Variants in MACROD2 observed in about 807,000 individuals in gnomAD.
The protein encoded by MACROD2 is ADP-ribose glycohydrolase MACROD2.
Under a neutral mutation model 70.4 loss-of-function variants are expected in MACROD2, and 36 were observed. That is an observed-to-expected ratio of 0.51 (90% CI 0.39 to 0.68). The LOEUF (loss-of-function observed/expected upper bound fraction) is 0.68, where lower values mean the gene tolerates loss of function less well. Ranked by LOEUF, MACROD2 falls within the 30% of genes least tolerant of loss-of-function variation. The pLI, the probability that MACROD2 is intolerant of heterozygous loss-of-function variation, is 0.00. For missense variants in MACROD2, 496 were observed against 538.4 expected (o/e 0.92, Z 0.78); for synonymous variants, 172 against 178.8 (o/e 0.96, Z 0.30).
At chr20:15,242,525 G>A (rs2077068495) in intron 6 of MACROD2, among the ~76,000 whole-genome samples, 1 of 151,904 alleles carries the variant, frequency 6.6e-6, no homozygotes, top group African/African-American at 2.4e-5. Context: ...TTTGTTTTTG[G>A]TGTTATAGAA....
chr20:15,043,699 C>T (rs1401387734), intron 5 of MACROD2, among the ~76,000 whole-genome samples: 1 of 152,150 alleles, frequency 6.6e-6, no homozygotes, highest in Non-Finnish European at 1.5e-5. Context: ...TTTGTCTGTA[C>T]CCCTGATTAT....
chr20:14,350,070 T>C (rs1342228031), intron 3 of MACROD2, among the ~76,000 whole-genome samples: 1 of 152,040 alleles, frequency 6.6e-6, no homozygotes, highest in African/African-American at 2.4e-5. Flanking sequence ...TTTTATTTTG[T>C]TTGGCTGCAT....
At chr20:14,129,032 T>C (rs147082380) in intron 3 of MACROD2, among the ~76,000 whole-genome samples, 2,162 of 152,340 alleles carry the variant, frequency 0.014, 20 homozygotes, top group South Asian at 0.037. Context: ...CTTCAGCCCA[T>C]GCACCAAGGA....
rs1021534097 is a variant in MACROD2 at position 15,273,948 on chromosome 20, A to G, written c.540+43887A>G. On this transcript the variant is annotated intron_variant, in intron 6 of 17. Coordinates refer to ENST00000684519, the MANE Select transcript of MACROD2 (RefSeq NM_001351661.2). ...TGAAGATAGTATATACCAAGTACTT[A>G]TCACAGTGGTTTGTTAGCAAATAAG... 2.0e-5 allele frequency among the ~76,000 whole-genome samples: 3 copies of G among 152,210 alleles called. No homozygotes were observed. In the East Asian group the frequency reaches 5.8e-4, roughly 29 times the overall value.
intron 5 of MACROD2, among the ~76,000 whole-genome samples, chr20:15,175,842 G>A (rs1050849368): frequency 1.3e-5 from 2 of 152,182 alleles, no homozygotes; most frequent in Admixed American, 6.5e-5. Flanking sequence ...AGGAACAGGC[G>A]GGAGCCCCAG....
chr20:14,385,956 A>G (rs368527125), intron 3 of MACROD2, among the ~76,000 whole-genome samples: 2 of 152,150 alleles, frequency 1.3e-5, no homozygotes, highest in Non-Finnish European at 2.9e-5. Context: ...TCATTTACTT[A>G]TTCTTTCATG....
At chr20:14,995,840 T>A (rs1350126641) in intron 5 of MACROD2, among the ~76,000 whole-genome samples, 1 of 152,058 alleles carries the variant, frequency 6.6e-6, no homozygotes, top group Non-Finnish European at 1.5e-5. Context: ...CAGAGGGAAA[T>A]GTATGCCTTA....
At chr20:14,026,858 G>A (rs761612085) in intron 2 of MACROD2, among the ~76,000 whole-genome samples, 22 of 152,250 alleles carry the variant, frequency 1.4e-4, no homozygotes, top group Non-Finnish European at 2.6e-4. Context: ...GGGAAGGGGC[G>A]GCTGTGAGTG....
intron 5 of MACROD2, among the ~76,000 whole-genome samples, chr20:14,899,630 G>T (rs984651156): frequency 6.6e-6 from 1 of 152,086 alleles, no homozygotes; most frequent in Non-Finnish European, 1.5e-5. Flanking sequence ...CTGTTAACTT[G>T]ATTACTTCTG....
At chr20:14,026,101 C>T (rs1023063018) in intron 2 of MACROD2, among the ~76,000 whole-genome samples, 4 of 152,018 alleles carry the variant, frequency 2.6e-5, no homozygotes, top group African/African-American at 9.7e-5. Context: ...TTATGTAATG[C>T]CCTTCTTTGT....
chr20:14,235,124 AG>A (rs1455022058), intron 3 of MACROD2, among the ~76,000 whole-genome samples: 5 of 152,180 alleles, frequency 3.3e-5, no homozygotes, highest in Non-Finnish European at 7.4e-5. Context: ...AGATTAAAAA[AG>A]GTATCTAGTT....
chr20:14,773,034 C>A (rs1028163087), intron 5 of MACROD2, among the ~76,000 whole-genome samples: 1 of 151,980 alleles, frequency 6.6e-6, no homozygotes, highest in Non-Finnish European at 1.5e-5. Flanking sequence ...TCAGCCATCA[C>A]ACCCACATTC....
intron 3 of MACROD2, chr20:14,325,615 C>G (rs1340268245): frequency 2.5e-6 from 4 of 1,613,594 alleles, no homozygotes; most frequent in Admixed American, 1.7e-5. Context: ...TCGGTTACTA[C>G]TGCTTTCACT....
At chr20:14,062,144 A>G (rs998337847) in intron 2 of MACROD2, among the ~76,000 whole-genome samples, 18 of 152,094 alleles carry the variant, frequency 1.2e-4, no homozygotes, top group African/African-American at 3.9e-4. Flanking sequence ...AAGCCTTTCT[A>G]TTATTGTTCA....
chr20:14,947,270 G>T (rs1227936251), intron 5 of MACROD2, among the ~76,000 whole-genome samples: 1 of 152,124 alleles, frequency 6.6e-6, no homozygotes, highest in African/African-American at 2.4e-5. Context: ...AATGTTTCTG[G>T]CTTTGTTATA....
intron 1 of MACROD2, 50 bp from the exon 2 acceptor site, chr20:14,002,238 C>T: frequency 1.7e-6 from 2 of 1,211,468 alleles, no homozygotes; most frequent in South Asian, 2.8e-5. Context: ...AAAATAATTC[C>T]CATGTTTAAA....
chr20:15,678,453 G>A (rs935439121), intron 8 of MACROD2, among the ~76,000 whole-genome samples: 16 of 151,688 alleles, frequency 1.1e-4, no homozygotes, highest in East Asian at 4.0e-4. Context: ...TCTGCCTCCC[G>A]GGTTCACGCC....
chr20:14,046,090 C>T (rs894333901), intron 2 of MACROD2, among the ~76,000 whole-genome samples: 9 of 151,818 alleles, frequency 5.9e-5, no homozygotes, highest in Admixed American at 2.6e-4. Flanking sequence ...TGAGAAATTC[C>T]CAAAATTAAA....
intron 5 of MACROD2, among the ~76,000 whole-genome samples, chr20:14,729,762 G>T (rs144604990): frequency 6.6e-6 from 1 of 150,650 alleles, no homozygotes; most frequent in Admixed American, 6.6e-5. Flanking sequence ...TATGAATAAA[G>T]TTAAAATGGT....
Sources: gnomAD v4.1 joint callset for allele counts (sites outside exome capture counted in the v4.1 genomes callset) on GRCh38, gnomAD v4.1.1 for gene constraint, MANE v1.5 for transcripts, NCBI Gene and HGNC (gene_info 2026-07-23, HGNC 2026-07-21) for gene names.